ROR2: variants seen among roughly 807,000 people sequenced by gnomAD.
The protein encoded by ROR2 is ROR family WNT receptor 2.
In ROR2, 33 loss-of-function variants were observed where a neutral mutation model predicts 74.9. The ratio of observed to expected loss-of-function variants is 0.44; its 90% CI spans 0.33 to 0.59. The LOEUF is 0.59. ROR2 is among the 20% of genes least tolerant of loss of function. The probability of loss-of-function intolerance (pLI) is 0.02; values close to 1 mark genes in which losing one functional copy is unlikely to be tolerated. For missense variants in ROR2, 1,216 were observed against 1,313.8 expected (o/e 0.93, Z 1.15); for synonymous variants, 586 against 558.7 (o/e 1.05, Z -0.69).
chr9:91,920,101 G>A (rs780073928), intron 1 of ROR2, among the ~76,000 whole-genome samples: 3 of 152,092 alleles, frequency 2.0e-5, no homozygotes, highest in Non-Finnish European at 4.4e-5. Context: ...TCTCTTTTGA[G>A]TAACATAAAA....
At chr9:91,850,274 A>C (rs1382875521) in intron 1 of ROR2, among the ~76,000 whole-genome samples, 1 of 152,240 alleles carries the variant, frequency 6.6e-6, no homozygotes, top group Non-Finnish European at 1.5e-5. Context: ...ATGTTTCCTA[A>C]TATAGTGTGG....
At chr9:91,855,813 CG>C (rs78310381) in intron 1 of ROR2, among the ~76,000 whole-genome samples, 6,201 of 152,076 alleles carry the variant, frequency 0.041, 180 homozygotes, top group East Asian at 0.097. Context: ...GGGACCAGGG[CG>C]GCCTTGGGGT....
In ROR2 at chr9:91,792,344, G is replaced by A. The variant is rs374903026; in HGVS notation, c.98-16526C>T. On this transcript the variant is annotated intron_variant, in intron 1 of 8. Coordinates refer to ENST00000375708, the MANE Select transcript of ROR2 (RefSeq NM_004560.4). ...TTTTTTTGAGACGGAGTCTCGCTCT[G>A]TCGCCCAGGTTGGAGTGCAGTAGTG... is the stretch of plus-strand genomic sequence containing the variant. 9.1e-4 allele frequency among the ~76,000 whole-genome samples: 120 copies of A among 132,134 alleles called. No individual in the cohort carries two copies. In the East Asian group the frequency reaches 0.021, roughly 23 times the overall value. 86.7% of individuals were successfully genotyped at this position (132,134 alleles called of 152,430 possible). A position where few individuals can be genotyped will look rare whatever the true frequency, so the allele number is the denominator to read the frequency against.
chr9:91,731,185 T>G (rs1837232492), intron 6 of ROR2, 30 bp from the exon 7 acceptor site: 1 of 1,613,552 alleles, frequency 6.2e-7, no homozygotes, highest in Non-Finnish European at 8.5e-7. Context: ...TAGGAAAACC[T>G]CCGGGGTACA....
intron 1 of ROR2, among the ~76,000 whole-genome samples, chr9:91,859,476 A>G (rs1829403460): frequency 1.3e-5 from 2 of 152,002 alleles, no homozygotes. Flanking sequence ...TATTTTTTGG[A>G]GTGTTCCAGA....
chr9:91,807,753 G>A (rs147996730), intron 1 of ROR2, among the ~76,000 whole-genome samples: 211 of 152,226 alleles, frequency 1.4e-3, no homozygotes, highest in African/African-American at 5.0e-3. Flanking sequence ...CTTCGTCTAT[G>A]TTGGTGATTG....
intron 1 of ROR2, among the ~76,000 whole-genome samples, chr9:91,785,291 G>A (rs1271376076): frequency 1.3e-5 from 2 of 152,144 alleles, no homozygotes; most frequent in African/African-American, 2.4e-5. Flanking sequence ...CACCCCTCAC[G>A]TTGTTTCAGG....
At chr9:91,940,986 T>C (rs1292217826) in intron 1 of ROR2, among the ~76,000 whole-genome samples, 23 of 148,274 alleles carry the variant, frequency 1.6e-4, no homozygotes, top group Non-Finnish European at 1.5e-5. Context: ...GAATTTAACA[T>C]TTTTAATTCT....
At chr9:91,946,249 A>G (rs1248500116) in intron 1 of ROR2, among the ~76,000 whole-genome samples, 2 of 152,110 alleles carry the variant, frequency 1.3e-5, no homozygotes, top group Non-Finnish European at 2.9e-5. Flanking sequence ...TTGAAACCTT[A>G]CATGCTTGGT....
chr9:91,853,338 G>A (rs1248377321), intron 1 of ROR2, among the ~76,000 whole-genome samples: 1 of 152,178 alleles, frequency 6.6e-6, no homozygotes, highest in East Asian at 1.9e-4. Context: ...CCCAACAGGT[G>A]AGGTGGAAGA....
intron 1 of ROR2, among the ~76,000 whole-genome samples, chr9:91,900,045 C>G (rs1366251011): frequency 6.6e-6 from 1 of 152,196 alleles, no homozygotes; most frequent in Non-Finnish European, 1.5e-5. Context: ...TACCTAGAGA[C>G]CAAAAGAATG....
At chr9:91,804,835 T>C (rs1174284938) in intron 1 of ROR2, among the ~76,000 whole-genome samples, 1 of 152,208 alleles carries the variant, frequency 6.6e-6, no homozygotes, top group Non-Finnish European at 1.5e-5. Flanking sequence ...TTTACTTAAG[T>C]TAGCTAGATC....
intron 1 of ROR2, among the ~76,000 whole-genome samples, chr9:91,857,678 C>G (rs985030229): frequency 1.3e-5 from 2 of 152,080 alleles, no homozygotes; most frequent in African/African-American, 2.4e-5. Context: ...TCTTCTGGGC[C>G]GGCAGGAGCA....
At chr9:91,886,176 A>G (rs532156996) in intron 1 of ROR2, among the ~76,000 whole-genome samples, 1 of 152,136 alleles carries the variant, frequency 6.6e-6, no homozygotes, top group East Asian at 1.9e-4. Context: ...GCCCCCGGCC[A>G]TGGTTACTTT....
intron 2 of ROR2, among the ~76,000 whole-genome samples, chr9:91,760,887 T>C (rs1184435176): frequency 1.3e-5 from 2 of 152,182 alleles, no homozygotes; most frequent in African/African-American, 4.8e-5. Flanking sequence ...TCTTCACATA[T>C]ATTTTTAGGT....
At chr9:91,887,406 AGGT>A (rs1447222550) in intron 1 of ROR2, among the ~76,000 whole-genome samples, 1 of 152,230 alleles carries the variant, frequency 6.6e-6, no homozygotes, top group African/African-American at 2.4e-5. Context: ...TTCCTTGCAT[AGGT>A]TTAACCTTTA....
At chr9:91,851,886 G>A (rs370159298) in intron 1 of ROR2, among the ~76,000 whole-genome samples, 1 of 151,280 alleles carries the variant, frequency 6.6e-6, no homozygotes, top group Admixed American at 6.6e-5. Context: ...TGAGACAGGA[G>A]AATCGCGTGA....
intron 1 of ROR2, among the ~76,000 whole-genome samples, chr9:91,920,723 C>A (rs529124710): frequency 9.9e-5 from 15 of 152,222 alleles, no homozygotes; most frequent in Non-Finnish European, 1.6e-4. Flanking sequence ...CAGATAAAAA[C>A]AAATACACAT....
At chr9:91,826,196 A>G (rs1828284831) in intron 1 of ROR2, among the ~76,000 whole-genome samples, 1 of 152,138 alleles carries the variant, frequency 6.6e-6, no homozygotes. Flanking sequence ...AGAATGGGGG[A>G]AATGAGCCCT....
Sources: allele counts gnomAD v4.1 joint callset (sites outside exome capture counted in the v4.1 genomes callset), GRCh38; gene constraint gnomAD v4.1.1; transcripts MANE v1.5; gene names NCBI Gene and HGNC (gene_info 2026-07-23, HGNC 2026-07-21).